The following SV2B variants were observed in gnomAD, a reference collection of about 807,000 sequenced individuals.
SV2B encodes the protein solute carrier family 22 member B2.
SV2B carries 41 observed loss-of-function variants against 73.9 expected under a neutral mutation model. The ratio of observed to expected loss-of-function variants is 0.56; its 90% CI spans 0.43 to 0.72. The LOEUF (loss-of-function observed/expected upper bound fraction) is 0.72, where lower values mean the gene tolerates loss of function less well. SV2B is among the 30% of genes least tolerant of loss of function. The pLI is 0.00. For missense variants in SV2B, 764 were observed against 857.8 expected (o/e 0.89, Z 1.37); for synonymous variants, 314 against 314.2 (o/e 1.00, Z 0.01).
Position 91,252,109 on chromosome 15 carries a change from TG to T in SV2B, c.632+111del. On this transcript the variant is annotated intron_variant, in intron 3 of 12. Coordinates refer to ENST00000394232, the MANE Select transcript of SV2B (RefSeq NM_001323032.3). This position sits in a 1 kb window ranked among gnomAD's most constrained non-coding sequence, Gnocchi z 4.6. ...GAAACCCTTGGACTGACTGAGTTTT[TG>T]TTTGACTTTCAGGATACTATATTAA... is the stretch of plus-strand genomic sequence containing the variant. The T allele has an allele frequency of 7.1e-7, 1 of 1,407,232 alleles. No individual in the cohort carries two copies. The highest frequency in any genetic ancestry group is 9.6e-7 in the Non-Finnish European group (1 of 1,043,794). The allele number at this position is 1,407,232 out of a possible 1,614,324, so 87.2% of individuals were successfully genotyped here.
Position 91,107,828 on chromosome 15 carries a change from C to A in SV2B, c.-392+7465C>A, listed in dbSNP as rs147112798. Among the ~76,000 whole-genome samples the A allele has an allele frequency of 2.6e-5, 4 of 152,246 alleles. No individual in the cohort carries two copies. In the East Asian group the frequency reaches 7.7e-4, roughly 29 times the overall value. ...ATCTTGCTATGCTGCCCAGGCTGGT[C>A]TTGAACTCATGGGCTCAAGTGATTC... On this transcript the variant is annotated intron_variant, in intron 1 of 12. Transcript: ENST00000394232.
chr15:91,249,423 C>T (rs1404974000), intron 2 of SV2B, among the ~76,000 whole-genome samples: 1 of 152,166 alleles, frequency 6.6e-6, no homozygotes, highest in Admixed American at 6.5e-5. Flanking sequence ...GATAATCATA[C>T]ATTTTATTGT....
In SV2B at chr15:91,283,311, A is replaced by T. The variant is rs1350168063; in HGVS notation, c.1508-710A>T. 6.6e-6 allele frequency among the ~76,000 whole-genome samples: 1 copy of T among 152,234 alleles called. No homozygotes were observed. Among genetic ancestry groups the T allele is most frequent in the Middle Eastern group, 3.2e-3 (1 of 316 alleles). The stretch of plus-strand genomic sequence containing the variant: ...TCTGGAGTGATCGGCTCCATCTGGA[A>T]CCAACTCTCTTGTGTTCTGCTCCCC... On this transcript the variant is annotated intron_variant, in intron 10 of 12. Transcript: ENST00000394232. The surrounding 1 kb of genome is among the most constrained non-coding windows in gnomAD (Gnocchi z 4.3).
intron 1 of SV2B, among the ~76,000 whole-genome samples, chr15:91,109,736 AT>A (rs2041986996): frequency 6.6e-6 from 1 of 152,140 alleles, no homozygotes; most frequent in Admixed American, 6.6e-5. Flanking sequence ...GAAGGAAATA[AT>A]TAAAAAAATT....
intron 1 of SV2B, among the ~76,000 whole-genome samples, chr15:91,209,325 C>T (rs1596588491): frequency 6.6e-6 from 1 of 151,826 alleles, no homozygotes; most frequent in African/African-American, 2.4e-5. Flanking sequence ...TTTCAGCATG[C>T]TGGCCAGGCT....
rs1413119983 is a variant in SV2B, at chr15:91,288,814, A to T, written c.1709-707A>T. On this transcript the variant is annotated intron_variant, in intron 11 of 12. Transcript: ENST00000394232. This position sits in a 1 kb window ranked among gnomAD's most constrained non-coding sequence, Gnocchi z 5.8. ...TGCCTCAGCCTCCCAAGTAGCTGGG[A>T]TTACAGGTGTGCACCACCGGGTCTG... Among the ~76,000 whole-genome samples, 1 of 151,992 alleles carries T rather than the reference A, an allele frequency of 6.6e-6. No individual in the cohort carries two copies. The highest frequency in any genetic ancestry group is 2.4e-5 in the African/African-American group (1 of 41,358).
At chr15:91,203,824 G>GTC (rs143362959) in intron 1 of SV2B, among the ~76,000 whole-genome samples, 1 of 151,708 alleles carries the variant, frequency 6.6e-6, no homozygotes, top group East Asian at 1.9e-4. Flanking sequence ...GAGAGCTACT[G>GTC]TCTCTCTCTC....
intron 1 of SV2B, among the ~76,000 whole-genome samples, chr15:91,187,578 C>T (rs1385308125): frequency 1.3e-5 from 2 of 152,064 alleles, no homozygotes; most frequent in Non-Finnish European, 2.9e-5. Context: ...CTTCTTGTGG[C>T]TTGTAGGATA....
Position 91,284,076 on chromosome 15 carries a change from G to T in SV2B, c.1563G>T (p.Glu521Asp). 1 of 1,614,180 alleles carries T rather than the reference G, an allele frequency of 6.2e-7. No homozygotes were observed. The highest frequency in any genetic ancestry group is 8.5e-7 in the Non-Finnish European group (1 of 1,180,036). ...NCRFINSTFL[E>D]QKEGCHMDLE... ...GGTTTATCAACTCCACCTTCCTGGA[G>T]CAGAAGGAGGGCTGCCACATGGACT... The change falls in exon 11 of 13, where the codon GAG becomes GAT. Residue 521 changes from glutamate to aspartate, a missense_variant. Transcript: ENST00000394232. The surrounding 1 kb of genome is among the most constrained non-coding windows in gnomAD (Gnocchi z 4.5).
intron 1 of SV2B, among the ~76,000 whole-genome samples, chr15:91,173,270 G>A (rs1026604310): frequency 6.6e-6 from 1 of 152,190 alleles, no homozygotes; most frequent in Non-Finnish European, 1.5e-5. Flanking sequence ...TGGAGTAGAG[G>A]AGGGCAAGGA....
Position 91,226,213 on chromosome 15 carries a change from A to G in SV2B, c.-51A>G. On this transcript the variant is annotated 5_prime_UTR_variant, in exon 2 of 13. Transcript: ENST00000394232. The stretch of plus-strand genomic sequence containing the variant: ...TTGAAATAGCCCAAACCTCTACCAC[A>G]GAGCGAGGGATATAGCTCAAGGGGC... 6.4e-7 allele frequency: 1 copy of G among 1,569,970 alleles called. No individual in the cohort carries two copies. Among genetic ancestry groups the G allele is most frequent in the South Asian group, 1.1e-5 (1 of 88,468 alleles).
intron 1 of SV2B, among the ~76,000 whole-genome samples, chr15:91,108,511 C>T (rs1290951949): frequency 6.6e-6 from 1 of 152,220 alleles, no homozygotes; most frequent in Non-Finnish European, 1.5e-5. Flanking sequence ...ACATAGTAGG[C>T]ACACTATACG....
intron 1 of SV2B, among the ~76,000 whole-genome samples, chr15:91,185,305 C>T (rs1433500407): frequency 6.6e-6 from 1 of 152,210 alleles, no homozygotes; most frequent in Non-Finnish European, 1.5e-5. Flanking sequence ...ATATTTAATT[C>T]ACAAAGATGT....
intron 1 of SV2B, among the ~76,000 whole-genome samples, chr15:91,158,474 T>TCCAGGAAG (rs2141239894): frequency 6.6e-6 from 1 of 151,820 alleles, no homozygotes; most frequent in African/African-American, 2.4e-5. Context: ...AGGGGAACAA[T>TCCAGGAAG]CCAGGAAGCG....
chr15:91,227,763 AAC>A lies in SV2B; in HGVS notation c.451+1053_451+1054del, dbSNP rs748577985. ...GTAGTTGAACAAACAGACATTAACA[AAC>A]ACAGAGAATTATTTGGTTACTGTAG... On this transcript the variant is annotated intron_variant, in intron 2 of 12. Coordinates refer to ENST00000394232, the MANE Select transcript of SV2B (RefSeq NM_001323032.3). This position sits in a 1 kb window ranked among gnomAD's most constrained non-coding sequence, Gnocchi z 4.5. Among the ~76,000 whole-genome samples the A allele has an allele frequency of 2.6e-5, 4 of 152,244 alleles. No individual in the cohort carries two copies. The highest frequency in any genetic ancestry group is 6.5e-5 in the Admixed American group (1 of 15,292).
rs1326695262 is a variant in SV2B at position 91,122,784 on chromosome 15, GATA to G, written c.-392+22423_-392+22425del. Among the ~76,000 whole-genome samples, 1 of 152,194 alleles carries G rather than the reference GATA, an allele frequency of 6.6e-6. No homozygotes were observed. The highest frequency in any genetic ancestry group is 2.4e-5 in the African/African-American group (1 of 41,434). On this transcript the variant is annotated intron_variant, in intron 1 of 12. Transcript: ENST00000394232. The surrounding 1 kb of genome is among the most constrained non-coding windows in gnomAD (Gnocchi z 4.3). ...GAGACAAACACTGCCTGATCTCACT[GATA>G]AACGGAATCTAAAAAAGTTGAGCTC...
chr15:91,274,902 C>G (rs2048433867), intron 9 of SV2B, among the ~76,000 whole-genome samples: 1 of 152,104 alleles, frequency 6.6e-6, no homozygotes, highest in South Asian at 2.1e-4. Flanking sequence ...CCCTTAATCC[C>G]TGATAGTAGT....
intron 1 of SV2B, chr15:91,102,217 A>G (rs2041747882): frequency 6.6e-6 from 1 of 152,190 alleles, no homozygotes; most frequent in African/African-American, 2.4e-5. Flanking sequence ...TGTGTTATGT[A>G]TTTGCCAGAG....
intron 1 of SV2B, among the ~76,000 whole-genome samples, chr15:91,161,414 G>A (rs565887827): frequency 1.1e-4 from 17 of 152,190 alleles, no homozygotes; most frequent in African/African-American, 3.1e-4. Flanking sequence ...AAAACAGGTC[G>A]TTAAGAAAAA....
Sources: allele counts gnomAD v4.1 joint callset (sites outside exome capture counted in the v4.1 genomes callset), GRCh38; gene constraint gnomAD v4.1.1; non-coding constraint Gnocchi (gnomAD v3.1); transcripts MANE v1.5; gene names NCBI Gene and HGNC (gene_info 2026-07-23, HGNC 2026-07-21).